PLCXD3: variants seen among roughly 807,000 people sequenced by gnomAD.
The protein encoded by PLCXD3 is phosphatidylinositol specific phospholipase C X domain containing 3, also known as PI-PLC X domain-containing protein 3.
PLCXD3 carries 19 observed loss-of-function variants against 25.5 expected under a neutral mutation model. The ratio of observed to expected loss-of-function variants is 0.75; its 90% CI spans 0.52 to 1.09. The LOEUF is 1.09. Ranked by LOEUF, PLCXD3 falls within the 50% of genes least tolerant of loss-of-function variation. The pLI is 0.00. For synonymous variants in PLCXD3, 174 were observed against 137.6 expected (o/e 1.26, Z -1.85); for missense variants, 411 against 388.1 (o/e 1.06, Z -0.50).
At chr5:41,367,377 T>C (rs1263243673) in intron 2 of PLCXD3, among the ~76,000 whole-genome samples, 3 of 152,232 alleles carry the variant, frequency 2.0e-5, no homozygotes, top group Non-Finnish European at 4.4e-5. Context: ...GATTTGCATT[T>C]ATCTAATGAT....
chr5:41,493,130 TG>T (rs1748742771), intron 1 of PLCXD3, among the ~76,000 whole-genome samples: 1 of 152,194 alleles, frequency 6.6e-6, no homozygotes, highest in East Asian at 1.9e-4. Flanking sequence ...CCTTTCTGTT[TG>T]TTAGTTTTCC....
intron 2 of PLCXD3, among the ~76,000 whole-genome samples, chr5:41,330,712 C>A (rs1200260588): frequency 6.6e-6 from 1 of 152,146 alleles, no homozygotes; most frequent in Non-Finnish European, 1.5e-5. Flanking sequence ...TACTGGCAAA[C>A]CGAATCCAGC....
chr5:41,340,293 T>G (rs1744102697), intron 2 of PLCXD3, among the ~76,000 whole-genome samples: 2 of 152,168 alleles, frequency 1.3e-5, no homozygotes, highest in African/African-American at 4.8e-5. Context: ...AACATGATAC[T>G]GTGAAATGAC....
At chr5:41,481,142 A>AAAAG (rs2150522855) in intron 1 of PLCXD3, among the ~76,000 whole-genome samples, 1 of 151,900 alleles carries the variant, frequency 6.6e-6, no homozygotes, top group African/African-American at 2.4e-5. Context: ...GGAAGGGAAA[A>AAAAG]AAAGCTTGGA....
At chr5:41,346,690 C>T (rs1447577243) in intron 2 of PLCXD3, among the ~76,000 whole-genome samples, 2 of 152,200 alleles carry the variant, frequency 1.3e-5, no homozygotes, top group African/African-American at 2.4e-5. Flanking sequence ...ACCATCACCA[C>T]TCTCCAACTA....
chr5:41,480,722 A>T (rs774156275), intron 1 of PLCXD3, among the ~76,000 whole-genome samples: 7 of 152,044 alleles, frequency 4.6e-5, no homozygotes, highest in Non-Finnish European at 7.4e-5. Context: ...GGATTTCAAG[A>T]CCAGCCTGGC....
chr5:41,313,538 G>A lies in PLCXD3; in HGVS notation c.*79C>T. On this transcript the variant is annotated 3_prime_UTR_variant, in exon 3 of 3. Coordinates refer to ENST00000377801, the MANE Select transcript of PLCXD3 (RefSeq NM_001005473.3). Reference sequence around the variant, plus strand: ...CTTCAGAGACTCAGTGGAATAGGAAGATCAGAGTGTTTACAGATAGTATGC... The same window carrying A: ...CTTCAGAGACTCAGTGGAATAGGAAAATCAGAGTGTTTACAGATAGTATGC... 6.5e-7 allele frequency: 1 copy of A among 1,547,564 alleles called. No homozygotes were observed. Among genetic ancestry groups the A allele is most frequent in the Non-Finnish European group, 8.9e-7 (1 of 1,123,598 alleles).
chr5:41,459,664 T>C (rs1243990136), intron 1 of PLCXD3, among the ~76,000 whole-genome samples: 4 of 151,732 alleles, frequency 2.6e-5, no homozygotes, highest in Non-Finnish European at 5.9e-5. Context: ...GTCTCTTACT[T>C]CTTCCTAACA....
intron 1 of PLCXD3, among the ~76,000 whole-genome samples, chr5:41,507,835 G>T (rs1286377741): frequency 6.6e-6 from 1 of 152,162 alleles, no homozygotes; most frequent in Non-Finnish European, 1.5e-5. Context: ...TAAACATGTA[G>T]CAGCCAGGAA....
intron 1 of PLCXD3, among the ~76,000 whole-genome samples, chr5:41,422,968 T>G (rs1746864039): frequency 6.6e-6 from 1 of 152,110 alleles, no homozygotes; most frequent in Admixed American, 6.5e-5. Context: ...GCTTAAGGAA[T>G]CTCTCTTCTA....
rs190160303 is a variant in PLCXD3, at chr5:41,493,741, A to G, written c.103+16683T>C. ...GTGGGCATTTAGGACCCTCCGAGCC[A>G]GGTGCCGGGTATAATCTCCTGGTGC... On this transcript the variant is annotated intron_variant, in intron 1 of 2. Transcript: ENST00000377801. Among the ~76,000 whole-genome samples, 344 of 152,338 alleles carry G rather than the reference A, an allele frequency of 2.3e-3. 2 individuals are homozygous for G. Among genetic ancestry groups the G allele is most frequent in the Non-Finnish European group, 4.0e-3 (275 of 68,022 alleles).
Position 41,382,292 on chromosome 5 carries a change from A to C in PLCXD3, c.346T>G (p.Leu116Val). The C allele has an allele frequency of 6.2e-7, 1 of 1,613,610 alleles. No individual in the cohort carries two copies. Among genetic ancestry groups the C allele is most frequent in the Non-Finnish European group, 8.5e-7 (1 of 1,179,728 alleles). ...PDNELYFAHGLFSAKVNEGLE... is the reference protein window; with the variant it reads ...PDNELYFAHGVFSAKVNEGLE... Reference sequence around the variant, plus strand: ...CCTTCATTGACTTTGGCACTGAACAAACCATGAGCAAAATAGAGTTCATTG... The same window carrying C: ...CCTTCATTGACTTTGGCACTGAACACACCATGAGCAAAATAGAGTTCATTG... Residue 116 changes from leucine (L) to valine (V), a missense_variant, in exon 2 of 3, where the codon TTG becomes GTG. Physicochemically the swap from Leu to Val is conservative, Grantham distance 32 (BLOSUM62 1). Transcript: ENST00000377801.
intron 2 of PLCXD3, among the ~76,000 whole-genome samples, chr5:41,370,687 A>G (rs1171201222): frequency 6.6e-6 from 1 of 152,076 alleles, no homozygotes; most frequent in African/African-American, 2.4e-5. Context: ...TATCAAGTAC[A>G]CTCAACACAA....
chr5:41,505,978 A>G (rs688551), intron 1 of PLCXD3, among the ~76,000 whole-genome samples: 16,969 of 152,278 alleles, frequency 0.11, 1,359 homozygotes, highest in African/African-American at 0.23. Flanking sequence ...ATTTACATAA[A>G]AGCCCTCTTT....
intron 2 of PLCXD3, among the ~76,000 whole-genome samples, chr5:41,337,032 A>G (rs1744002261): frequency 6.6e-6 from 1 of 152,150 alleles, no homozygotes; most frequent in African/African-American, 2.4e-5. Flanking sequence ...GTGGCCTCTG[A>G]CAAACTTAAT....
intron 2 of PLCXD3, among the ~76,000 whole-genome samples, chr5:41,344,558 T>C (rs1744248860): frequency 1.3e-5 from 2 of 152,144 alleles, no homozygotes; most frequent in Non-Finnish European, 2.9e-5. Flanking sequence ...ATAATTTTAA[T>C]TCATTTGTTT....
chr5:41,308,913 A>G lies in PLCXD3; in HGVS notation c.*4704T>C, dbSNP rs1012775515. ...CAATGGGGTACCTCACAAGGTGGAC[A>G]GTTTGCTTGTGGGAACTCAGATAGG... On this transcript the variant is annotated 3_prime_UTR_variant, in exon 3 of 3. Coordinates refer to ENST00000377801, the MANE Select transcript of PLCXD3 (RefSeq NM_001005473.3). The G allele has an allele frequency of 2.0e-5, 3 of 152,586 alleles. No individual in the cohort carries two copies. Among genetic ancestry groups the G allele is most frequent in the Non-Finnish European group, 2.9e-5 (2 of 68,016 alleles). The allele number at this position is 152,586 out of a possible 1,614,324, so 9.5% of individuals were successfully genotyped here.
intron 2 of PLCXD3, among the ~76,000 whole-genome samples, chr5:41,374,143 G>T (rs1053585157): frequency 2.0e-5 from 3 of 152,074 alleles, no homozygotes; most frequent in African/African-American, 4.8e-5. Context: ...AGGTTATTTT[G>T]TCAGTAGGGA....
chr5:41,350,682 A>T (rs1272510793), intron 2 of PLCXD3, among the ~76,000 whole-genome samples: 1 of 152,212 alleles, frequency 6.6e-6, no homozygotes, highest in African/African-American at 2.4e-5. Flanking sequence ...GTCAAGAAAA[A>T]TTTCCCGAGT....
Sources: allele counts gnomAD v4.1 joint callset (sites outside exome capture counted in the v4.1 genomes callset), GRCh38; gene constraint gnomAD v4.1.1; transcripts MANE v1.5; gene names NCBI Gene and HGNC (gene_info 2026-07-23, HGNC 2026-07-21).